The following KAZN variants were observed in gnomAD, a reference collection of about 807,000 sequenced individuals.
KAZN encodes the protein kazrin, periplakin interacting protein, also known as kazrin.
Under a neutral mutation model 87.4 loss-of-function variants are expected in KAZN, and 40 were observed. That is an observed-to-expected ratio of 0.46 (90% CI 0.36 to 0.60). The LOEUF (loss-of-function observed/expected upper bound fraction) is 0.60. KAZN is among the 20% of genes least tolerant of loss of function. KAZN has a pLI of 0.00. For missense variants in KAZN, 898 were observed against 1,073.9 expected (o/e 0.84, Z 2.29); for synonymous variants, 466 against 458.3 (o/e 1.02, Z -0.22).
At chr1:14,427,513 A>AACACACACACAC (rs141037257) in intron 2 of KAZN, among the ~76,000 whole-genome samples, 4 of 150,300 alleles carry the variant, frequency 2.7e-5, no homozygotes, top group African/African-American at 9.8e-5. Context: ...CTATAATTTA[A>AACACACACACAC]ACACACACAC....
At chr1:15,055,559 C>T (rs1376436498) in intron 4 of KAZN, among the ~76,000 whole-genome samples, 2 of 152,158 alleles carry the variant, frequency 1.3e-5, no homozygotes, top group East Asian at 1.9e-4. Flanking sequence ...GGTTAGCTCT[C>T]GGGTGAGTTA....
chr1:14,168,961 A>G (rs1645891858), intron 1 of KAZN, among the ~76,000 whole-genome samples: 1 of 152,098 alleles, frequency 6.6e-6, no homozygotes, highest in African/African-American at 2.4e-5. Context: ...TGTTACCATC[A>G]CCTCCCTCTG....
At chr1:14,516,060 GCCAA>G (rs987422899) in intron 2 of KAZN, among the ~76,000 whole-genome samples, 2 of 152,072 alleles carry the variant, frequency 1.3e-5, no homozygotes, top group Non-Finnish European at 2.9e-5. Context: ...CAACTGCCTG[GCCAA>G]CCAGGTTCTA....
intron 1 of KAZN, among the ~76,000 whole-genome samples, chr1:14,956,795 C>T (rs11584442): frequency 0.08 from 12,208 of 151,954 alleles, 1,611 homozygotes; most frequent in African/African-American, 0.28. Flanking sequence ...CCAGCCTTGG[C>T]GACTGCTAGA....
intron 2 of KAZN, among the ~76,000 whole-genome samples, chr1:14,358,364 A>G (rs1659219418): frequency 6.6e-6 from 1 of 151,272 alleles, no homozygotes; most frequent in Non-Finnish European, 1.5e-5. Context: ...TCTTTTAAAA[A>G]AAAAAACCAG....
intron 2 of KAZN, among the ~76,000 whole-genome samples, chr1:14,182,418 G>T (rs1283194366): frequency 1.3e-5 from 2 of 152,154 alleles, no homozygotes; most frequent in African/African-American, 4.8e-5. Flanking sequence ...ACTAACAAAG[G>T]ATGAAGTGGG....
chr1:14,693,634 G>A (rs1380961187), intron 1 of KAZN, among the ~76,000 whole-genome samples: 1 of 152,180 alleles, frequency 6.6e-6, no homozygotes, highest in Admixed American at 6.5e-5. Context: ...ACCGTCTGTG[G>A]GATGAGTGTG....
intron 2 of KAZN, among the ~76,000 whole-genome samples, chr1:14,356,834 T>C (rs1659069579): frequency 2.6e-5 from 4 of 152,350 alleles, no homozygotes; most frequent in African/African-American, 9.6e-5. Context: ...TGTAGCCTTG[T>C]AGTATAGTTT....
chr1:14,050,783 T>G (rs1642295487), intron 1 of KAZN, among the ~76,000 whole-genome samples: 1 of 152,152 alleles, frequency 6.6e-6, no homozygotes, highest in African/African-American at 2.4e-5. Context: ...CATGTGCCAG[T>G]GCTGAGGACC....
intron 1 of KAZN, among the ~76,000 whole-genome samples, chr1:14,865,585 C>T (rs763700702): frequency 4.6e-5 from 7 of 152,146 alleles, no homozygotes; most frequent in African/African-American, 1.7e-4. Context: ...GCCAGAGAGA[C>T]GTCTCATCTC....
Position 14,184,618 on chromosome 1 carries a change from T to C in KAZN, c.249+4026T>C, listed in dbSNP as rs1646266141. On this transcript the variant is annotated intron_variant, in intron 2 of 16. Transcript: ENST00000636203. This position sits in a 1 kb window ranked among gnomAD's most constrained non-coding sequence, Gnocchi z 4.2. ...GGGTGGCTTCGTTTTTCTTTTCTCT[T>C]TTTAAAAGAGCTGTCTAGCAAACTC... 2.0e-5 allele frequency among the ~76,000 whole-genome samples: 3 copies of C among 152,140 alleles called. No homozygotes were observed. Among genetic ancestry groups the C allele is most frequent in the African/African-American group, 7.2e-5 (3 of 41,450 alleles).
At chr1:14,018,663 G>A (rs981532298) in intron 1 of KAZN, among the ~76,000 whole-genome samples, 3 of 152,054 alleles carry the variant, frequency 2.0e-5, no homozygotes, top group East Asian at 1.9e-4. Context: ...ATCTACTGGG[G>A]GCCTGGATAG....
At position 15,028,350 on chromosome 1, in the gene KAZN, A is replaced by G. The variant is rs934878600; in HGVS notation, c.419-6399A>G. 3.8e-4 allele frequency among the ~76,000 whole-genome samples: 58 copies of G among 152,170 alleles called. 3 individuals are homozygous for G. Among genetic ancestry groups the G allele is most frequent in the Non-Finnish European group, 7.3e-5 (5 of 68,034 alleles). On this transcript the variant is annotated intron_variant, in intron 2 of 14. Transcript: ENST00000376030. ...ATAGGACCCGCGTGGGTGAGGCCAGATGATTGGGAAGTCATGCAGAGCGCT... is the reference window on the plus strand; with the variant it reads ...ATAGGACCCGCGTGGGTGAGGCCAGGTGATTGGGAAGTCATGCAGAGCGCT...
intron 1 of KAZN, among the ~76,000 whole-genome samples, chr1:14,712,073 G>A (rs935842244): frequency 1.3e-5 from 2 of 152,136 alleles, no homozygotes. Flanking sequence ...GAAGAGTAGG[G>A]GATAAGGGGA....
chr1:13,975,576 T>C (rs1472078789), intron 1 of KAZN, among the ~76,000 whole-genome samples: 1 of 152,146 alleles, frequency 6.6e-6, no homozygotes, highest in East Asian at 1.9e-4. Flanking sequence ...TGCTCTTGAG[T>C]CCCCAGTGCT....
At chr1:14,243,822 G>T (rs188059444) in intron 2 of KAZN, among the ~76,000 whole-genome samples, 1 of 152,244 alleles carries the variant, frequency 6.6e-6, no homozygotes, top group East Asian at 1.9e-4. Context: ...CAGAGAATGG[G>T]GAAAACATGT....
At chr1:14,990,500 G>A (rs934103617) in intron 2 of KAZN, among the ~76,000 whole-genome samples, 7 of 152,094 alleles carry the variant, frequency 4.6e-5, no homozygotes, top group Admixed American at 6.6e-5. Flanking sequence ...TTGTGATGAC[G>A]GGCATGAGCC....
At chr1:15,071,502 A>T (rs1204997262) in intron 8 of KAZN, among the ~76,000 whole-genome samples, 1 of 152,114 alleles carries the variant, frequency 6.6e-6, no homozygotes, top group Non-Finnish European at 1.5e-5. Flanking sequence ...TGATCCACCC[A>T]CCTTGGCCTC....
chr1:13,926,192 C>G (rs983828810), intron 1 of KAZN, among the ~76,000 whole-genome samples: 1 of 152,146 alleles, frequency 6.6e-6, no homozygotes, highest in African/African-American at 2.4e-5. Context: ...TCCGACAGCA[C>G]TTCATGCTTC....
Sources: allele counts gnomAD v4.1 joint callset (sites outside exome capture counted in the v4.1 genomes callset), GRCh38; gene constraint gnomAD v4.1.1; non-coding constraint Gnocchi (gnomAD v3.1); transcripts MANE v1.5; gene names NCBI Gene and HGNC (gene_info 2026-07-23, HGNC 2026-07-21).